LARGE1: variants seen among roughly 807,000 people sequenced by gnomAD.
The protein encoded by LARGE1 is LARGE xylosyl- and glucuronyltransferase 1, also known as xylosyl- and glucuronyltransferase LARGE1.
A neutral mutation model predicts 87.6 loss-of-function variants in LARGE1; 43 were observed. The ratio of observed to expected loss-of-function variants is 0.49; its 90% CI spans 0.38 to 0.63. LARGE1 has a LOEUF of 0.63. Ranked by LOEUF, LARGE1 falls within the 30% of genes least tolerant of loss-of-function variation. LARGE1 has a pLI of 0.00. For missense variants in LARGE1, 802 were observed against 1,000.2 expected (o/e 0.80, Z 2.67); for synonymous variants, 434 against 394.6 (o/e 1.10, Z -1.18).
At chr22:33,490,415 T>A (rs2069782155) in intron 6 of LARGE1, among the ~76,000 whole-genome samples, 2 of 152,076 alleles carry the variant, frequency 1.3e-5, no homozygotes, top group Non-Finnish European at 2.9e-5. Flanking sequence ...TAGTGCAATT[T>A]AAATGAAATA....
At chr22:33,831,228 G>A (rs1285786766) in intron 1 of LARGE1, among the ~76,000 whole-genome samples, 2 of 151,584 alleles carry the variant, frequency 1.3e-5, no homozygotes, top group Non-Finnish European at 2.9e-5. Context: ...TTACAGGCAT[G>A]AGCCACTGCG....
intron 1 of LARGE1, among the ~76,000 whole-genome samples, chr22:33,907,990 G>A (rs901192877): frequency 6.6e-6 from 1 of 152,140 alleles, no homozygotes; most frequent in Non-Finnish European, 1.5e-5. Context: ...GTGTACCCCA[G>A]GAATGCCCAA....
intron 1 of LARGE1, among the ~76,000 whole-genome samples, chr22:33,767,999 C>T (rs953746448): frequency 1.3e-5 from 2 of 152,192 alleles, no homozygotes; most frequent in East Asian, 1.9e-4. Context: ...TGGACATCAC[C>T]GAGGTTTTGT....
At chr22:33,794,083 T>C (rs2085906582) in intron 1 of LARGE1, among the ~76,000 whole-genome samples, 1 of 152,164 alleles carries the variant, frequency 6.6e-6, no homozygotes, top group African/African-American at 2.4e-5. Context: ...GGTAAGTTTA[T>C]GCTAGATGGG....
chr22:33,854,696 T>C (rs1424162242), intron 1 of LARGE1, among the ~76,000 whole-genome samples: 1 of 151,340 alleles, frequency 6.6e-6, no homozygotes, highest in Admixed American at 6.6e-5. Context: ...AAAGGTCCAA[T>C]TTAACAAAGA....
chr22:33,689,841 C>T (rs1199829631), intron 2 of LARGE1, among the ~76,000 whole-genome samples: 1 of 151,826 alleles, frequency 6.6e-6, no homozygotes, highest in African/African-American at 2.4e-5. Flanking sequence ...GCAGAAGAAT[C>T]GCTTGAACCT....
intron 5 of LARGE1, among the ~76,000 whole-genome samples, chr22:33,576,223 T>G (rs1294995711): frequency 6.6e-6 from 1 of 152,192 alleles, no homozygotes; most frequent in East Asian, 1.9e-4. Flanking sequence ...TTTGAAAAAG[T>G]GAAACAATGC....
Position 33,912,812 on chromosome 22 carries a change from G to A in LARGE1, c.-83+7183C>T, listed in dbSNP as rs186402914. Among the ~76,000 whole-genome samples the A allele has an allele frequency of 1.0e-4, 15 of 147,718 alleles. No individual in the cohort carries two copies. In the East Asian group the frequency reaches 2.4e-3, roughly 23 times the overall value. On this transcript the variant is annotated intron_variant, in intron 1 of 14. Coordinates refer to ENST00000397394, the MANE Select transcript of LARGE1 (RefSeq NM_133642.5). ...AAGCCCTAGATATTTCTGTTACAGTGAAGGAAGAACCAGCAGACAAGCATG... is the reference window on the plus strand; with the variant it reads ...AAGCCCTAGATATTTCTGTTACAGTAAAGGAAGAACCAGCAGACAAGCATG...
chr22:33,389,294 C>A (rs555175915), intron 7 of LARGE1, among the ~76,000 whole-genome samples: 1 of 152,358 alleles, frequency 6.6e-6, no homozygotes, highest in Non-Finnish European at 1.5e-5. Flanking sequence ...GCGTTCCAAC[C>A]ATGTTTATGC....
intron 1 of LARGE1, among the ~76,000 whole-genome samples, chr22:33,798,155 A>G (rs2086044977): frequency 6.6e-6 from 1 of 152,082 alleles, no homozygotes; most frequent in Non-Finnish European, 1.5e-5. Context: ...GCCGGGCGTG[A>G]TGGCAGGCAC....
intron 6 of LARGE1, among the ~76,000 whole-genome samples, chr22:33,439,696 C>T (rs897905168): frequency 7.2e-5 from 11 of 152,232 alleles, no homozygotes; most frequent in African/African-American, 2.7e-4. Flanking sequence ...AAGTGCCCTA[C>T]TCTTCAATCT....
chr22:33,170,058 A>G (rs753629135), intron 11 of LARGE1, among the ~76,000 whole-genome samples: 13 of 152,148 alleles, frequency 8.5e-5, no homozygotes, highest in South Asian at 2.1e-4. Flanking sequence ...TTCTGGGGTG[A>G]TTAGATCATG....
At chr22:33,615,103 T>A (rs2079545168) in intron 4 of LARGE1, among the ~76,000 whole-genome samples, 1 of 152,220 alleles carries the variant, frequency 6.6e-6, no homozygotes, top group Admixed American at 6.5e-5. Context: ...TTAGTTCAGA[T>A]CTTTGAAATA....
intron 12 of LARGE1, 70 bp from the exon 13 acceptor site, chr22:33,283,418 G>T: frequency 6.4e-7 from 1 of 1,569,892 alleles, no homozygotes. Context: ...CCCCATGAGG[G>T]CGGGGTGGTC....
intron 6 of LARGE1, among the ~76,000 whole-genome samples, chr22:33,509,603 AC>A (rs2070952904): frequency 6.6e-6 from 1 of 151,988 alleles, no homozygotes; most frequent in Admixed American, 6.6e-5. Context: ...GGTGCATGCC[AC>A]CATACCCAGC....
At chr22:33,716,940 A>C (rs1021858356) in intron 2 of LARGE1, among the ~76,000 whole-genome samples, 1 of 152,242 alleles carries the variant, frequency 6.6e-6, no homozygotes, top group Non-Finnish European at 1.5e-5. Flanking sequence ...TCAACAACCA[A>C]GATCTCGTTA....
intron 1 of LARGE1, among the ~76,000 whole-genome samples, chr22:33,766,845 A>G (rs946111806): frequency 6.6e-6 from 1 of 150,874 alleles, no homozygotes; most frequent in East Asian, 1.9e-4. Context: ...ATATACCTAT[A>G]TAAGAAAAAA....
intron 6 of LARGE1, among the ~76,000 whole-genome samples, chr22:33,491,619 A>G (rs1414496842): frequency 2.0e-5 from 3 of 152,238 alleles, no homozygotes; most frequent in Non-Finnish European, 4.4e-5. Flanking sequence ...CTCTTTGCCT[A>G]TAAAGGAGAA....
At chr22:33,583,010 T>A (rs1189515901) in intron 5 of LARGE1, among the ~76,000 whole-genome samples, 3 of 152,352 alleles carry the variant, frequency 2.0e-5, no homozygotes, top group African/African-American at 7.2e-5. Context: ...ACATTAAGTA[T>A]GAGCACATGT....
Sources: gnomAD v4.1 joint callset for allele counts (sites outside exome capture counted in the v4.1 genomes callset) on GRCh38, gnomAD v4.1.1 for gene constraint, MANE v1.5 for transcripts, NCBI Gene and HGNC (gene_info 2026-07-23, HGNC 2026-07-21) for gene names.